Variants in CHN2 observed in about 807,000 individuals in gnomAD.
The protein encoded by CHN2 is beta-chimaerin.
A neutral mutation model predicts 56.3 loss-of-function variants in CHN2; 35 were observed. The observed-to-expected ratio is 0.62, with a 90% CI of 0.47 to 0.82. The LOEUF is 0.82. Ranked by LOEUF, CHN2 falls within the 40% of genes least tolerant of loss-of-function variation. The probability of loss-of-function intolerance (pLI) is 0.00; values close to 1 mark genes in which losing one functional copy is unlikely to be tolerated. For missense variants in CHN2, 491 were observed against 580.5 expected (o/e 0.85, Z 1.58); for synonymous variants, 210 against 212.8 (o/e 0.99, Z 0.12).
intron 1 of CHN2, among the ~76,000 whole-genome samples, chr7:29,338,831 C>G (rs912466119): frequency 4.6e-5 from 7 of 152,198 alleles, no homozygotes; most frequent in African/African-American, 1.4e-4. Flanking sequence ...CTCCCTCTCT[C>G]AGCCTCCCAA....
chr7:29,474,984 T>C (rs1786466997), intron 6 of CHN2, among the ~76,000 whole-genome samples: 1 of 152,108 alleles, frequency 6.6e-6, no homozygotes, highest in Admixed American at 6.5e-5. Context: ...GCCAGTGTAG[T>C]GAGAGGGGTA....
chr7:29,247,681 G>A (rs1263840002), intron 1 of CHN2, among the ~76,000 whole-genome samples: 2 of 152,212 alleles, frequency 1.3e-5, no homozygotes, highest in South Asian at 4.1e-4. Context: ...GGTGCCTCAC[G>A]AACCCTGCCC....
intron 1 of CHN2, among the ~76,000 whole-genome samples, chr7:29,276,971 T>C (rs923862927): frequency 2.0e-5 from 3 of 152,346 alleles, no homozygotes; most frequent in African/African-American, 7.2e-5. Context: ...CAAACAGCCA[T>C]GCCCCTGGCT....
chr7:29,380,724 C>A (rs1027449806), intron 3 of CHN2: 5 of 152,126 alleles, frequency 3.3e-5, no homozygotes, highest in African/African-American at 1.2e-4. Flanking sequence ...AATCTTTTTT[C>A]CTCTAGAAAT....
chr7:29,328,355 C>G (rs1181120567), intron 1 of CHN2, among the ~76,000 whole-genome samples: 1 of 151,962 alleles, frequency 6.6e-6, no homozygotes, highest in Admixed American at 6.6e-5. Flanking sequence ...TTTCTTTCCC[C>G]TTAGTCTCAA....
intron 1 of CHN2, among the ~76,000 whole-genome samples, chr7:29,225,542 T>C (rs1786123722): frequency 6.6e-6 from 1 of 152,224 alleles, no homozygotes; most frequent in Admixed American, 6.5e-5. Context: ...TTTAGAGCAT[T>C]ATCTCCAAAT....
intron 1 of CHN2, among the ~76,000 whole-genome samples, chr7:29,297,636 A>G (rs1793288777): frequency 6.6e-6 from 1 of 152,134 alleles, no homozygotes; most frequent in Non-Finnish European, 1.5e-5. Context: ...TTGCACAGAG[A>G]GAGGGCGGCC....
At chr7:29,417,470 G>A (rs1023583092) in intron 6 of CHN2, among the ~76,000 whole-genome samples, 1 of 151,950 alleles carries the variant, frequency 6.6e-6, no homozygotes, top group Non-Finnish European at 1.5e-5. Context: ...CGAGTAGCTA[G>A]GACTACAGGC....
intron 6 of CHN2, among the ~76,000 whole-genome samples, chr7:29,417,975 CG>C (rs1209449083): frequency 6.6e-6 from 1 of 152,142 alleles, no homozygotes; most frequent in African/African-American, 2.4e-5. Context: ...GCTGGAGAGT[CG>C]CTTCTGAAGA....
At chr7:29,263,397 G>A (rs947467728) in intron 1 of CHN2, among the ~76,000 whole-genome samples, 1 of 152,180 alleles carries the variant, frequency 6.6e-6, no homozygotes, top group Non-Finnish European at 1.5e-5. Flanking sequence ...CCTCCCAGCC[G>A]CCTGCCTTGG....
chr7:29,470,238 C>T (rs1024588796), intron 6 of CHN2, among the ~76,000 whole-genome samples: 1 of 152,166 alleles, frequency 6.6e-6, no homozygotes, highest in Non-Finnish European at 1.5e-5. Flanking sequence ...ATACAAGGAC[C>T]AATTGTAGAT....
At chr7:29,442,209 G>A (rs1057316926) in intron 6 of CHN2, among the ~76,000 whole-genome samples, 11 of 152,138 alleles carry the variant, frequency 7.2e-5, no homozygotes, top group African/African-American at 2.7e-4. Context: ...TTAAAAATCT[G>A]GAAAGAAAGG....
At chr7:29,160,624 C>T (rs1463483245) in intron 2 of CHN2, among the ~76,000 whole-genome samples, 2 of 152,122 alleles carry the variant, frequency 1.3e-5, no homozygotes, top group African/African-American at 2.4e-5. Flanking sequence ...ATCTTCAGCC[C>T]TAACCCCAGC....
intron 1 of CHN2, among the ~76,000 whole-genome samples, chr7:29,203,885 G>C (rs1232865698): frequency 6.6e-6 from 1 of 152,194 alleles, no homozygotes; most frequent in African/African-American, 2.4e-5. Flanking sequence ...AACAGGTTGG[G>C]ACATTTGTCA....
intron 2 of CHN2, among the ~76,000 whole-genome samples, chr7:29,169,539 A>T (rs1421091407): frequency 1.3e-5 from 2 of 152,206 alleles, no homozygotes; most frequent in African/African-American, 4.8e-5. Flanking sequence ...CTTAAACAAG[A>T]GGAAAGGGAG....
At chr7:29,163,541 A>G (rs1261056612) in intron 2 of CHN2, among the ~76,000 whole-genome samples, 1 of 152,162 alleles carries the variant, frequency 6.6e-6, no homozygotes, top group Non-Finnish European at 1.5e-5. Context: ...AAGAGACAAT[A>G]TCCATTTTTT....
chr7:29,227,105 T>C (rs1006839837), intron 1 of CHN2, among the ~76,000 whole-genome samples: 1 of 152,236 alleles, frequency 6.6e-6, no homozygotes, highest in Non-Finnish European at 1.5e-5. Flanking sequence ...CAGTGTCTAG[T>C]GTAGCATTAC....
chr7:29,304,196 T>A (rs752473642), intron 1 of CHN2, among the ~76,000 whole-genome samples: 1 of 152,204 alleles, frequency 6.6e-6, no homozygotes, highest in Non-Finnish European at 1.5e-5. Context: ...ATTCGAATGT[T>A]TCAACCCCAC....
chr7:29,354,241 A>G (rs113015402), intron 1 of CHN2, among the ~76,000 whole-genome samples: 1 of 152,244 alleles, frequency 6.6e-6, no homozygotes, highest in East Asian at 1.9e-4. Flanking sequence ...GTCTTCATAA[A>G]TGGGCTAAAG....
Sources: gnomAD v4.1 joint callset for allele counts (sites outside exome capture counted in the v4.1 genomes callset) on GRCh38, gnomAD v4.1.1 for gene constraint, MANE v1.5 for transcripts, NCBI Gene and HGNC (gene_info 2026-07-23, HGNC 2026-07-21) for gene names.